FAF1: variants seen among roughly 807,000 people sequenced by gnomAD.
FAF1 encodes the protein FAS-associated factor 1.
In FAF1, 25 loss-of-function variants were observed where a neutral mutation model predicts 92.5. The ratio of observed to expected loss-of-function variants is 0.27; its 90% CI spans 0.20 to 0.38. The LOEUF (loss-of-function observed/expected upper bound fraction) is 0.38. FAF1 is among the 10% of genes least tolerant of loss of function. The pLI, the probability that FAF1 is intolerant of heterozygous loss-of-function variation, is 1.00. For synonymous variants in FAF1, 234 were observed against 273.2 expected (o/e 0.86, Z 1.42); for missense variants, 636 against 793.3 (o/e 0.80, Z 2.38).
chr1:50,656,931 C>T (rs929557180), intron 7 of FAF1, among the ~76,000 whole-genome samples: 7 of 152,160 alleles, frequency 4.6e-5, no homozygotes, highest in Middle Eastern at 3.4e-3. Context: ...AGAAGTGTTA[C>T]TGGGCGTGGT....
intron 12 of FAF1, among the ~76,000 whole-genome samples, chr1:50,573,587 T>C (rs1362855188): frequency 6.6e-6 from 1 of 152,158 alleles, no homozygotes; most frequent in African/African-American, 2.4e-5. Flanking sequence ...TCACAAAACT[T>C]AGCCCTGTTT....
chr1:50,616,998 T>A (rs1211784895), intron 8 of FAF1, among the ~76,000 whole-genome samples: 1 of 152,160 alleles, frequency 6.6e-6, no homozygotes, highest in African/African-American at 2.4e-5. Context: ...TGATTTTATA[T>A]CCAGAAACCT....
chr1:50,611,467 G>T (rs1172287929), intron 8 of FAF1, among the ~76,000 whole-genome samples: 3 of 152,186 alleles, frequency 2.0e-5, no homozygotes, highest in Non-Finnish European at 2.9e-5. Context: ...ATAGTTGGAG[G>T]TAGTTAATAT....
At chr1:50,554,390 T>TATATATATATATAGAGAGAGAG in intron 13 of FAF1, among the ~76,000 whole-genome samples, 8 of 93,682 alleles carry the variant, frequency 8.5e-5, no homozygotes, top group African/African-American at 2.8e-4. Context: ...TATATATATA[T>TATATATATATATAGAGAGAGAG]AGAGAGAGAG....
chr1:50,477,758 G>A (rs947836550), intron 17 of FAF1, among the ~76,000 whole-genome samples: 3 of 152,166 alleles, frequency 2.0e-5, no homozygotes, highest in Non-Finnish European at 4.4e-5. Flanking sequence ...TAGCCTGCAA[G>A]CTCCATAATG....
At chr1:50,835,859 C>T (rs1046620115) in intron 2 of FAF1, among the ~76,000 whole-genome samples, 1 of 151,984 alleles carries the variant, frequency 6.6e-6, no homozygotes, top group Non-Finnish European at 1.5e-5. Context: ...TAGATCAAGG[C>T]ACCATTACCA....
intron 4 of FAF1, among the ~76,000 whole-genome samples, chr1:50,762,848 T>G (rs1296673836): frequency 6.6e-6 from 1 of 152,112 alleles, no homozygotes; most frequent in Non-Finnish European, 1.5e-5. Context: ...TGGGATCTAA[T>G]TAAACTAAAG....
chr1:50,915,266 A>G (rs772056906), intron 1 of FAF1, among the ~76,000 whole-genome samples: 4 of 151,438 alleles, frequency 2.6e-5, no homozygotes, highest in Admixed American at 1.3e-4. Context: ...GCTACTTGGG[A>G]GGCTGAGGCA....
intron 1 of FAF1, among the ~76,000 whole-genome samples, chr1:50,924,296 A>C (rs185579075): frequency 1.9e-3 from 282 of 145,382 alleles, no homozygotes; most frequent in African/African-American, 6.5e-3. Flanking sequence ...AAAAAAAAAC[A>C]AGAAACCAAT....
At chr1:50,561,748 C>T (rs1649911331) in intron 13 of FAF1, among the ~76,000 whole-genome samples, 1 of 152,076 alleles carries the variant, frequency 6.6e-6, no homozygotes, top group African/African-American at 2.4e-5. Context: ...ATCACTTGAA[C>T]CTGGGAGGTG....
chr1:50,928,892 T>C (rs1256868347), intron 1 of FAF1, among the ~76,000 whole-genome samples: 1 of 151,204 alleles, frequency 6.6e-6, no homozygotes, highest in Non-Finnish European at 1.5e-5. Flanking sequence ...GAGACCAGCC[T>C]GGCCAACACG....
intron 7 of FAF1, among the ~76,000 whole-genome samples, chr1:50,662,777 T>C (rs1464954223): frequency 7.2e-6 from 1 of 139,664 alleles, no homozygotes; most frequent in Non-Finnish European, 1.5e-5. Context: ...GGCTCACTGC[T>C]GCTAGCGCCG....
intron 4 of FAF1, among the ~76,000 whole-genome samples, chr1:50,747,979 T>C (rs1170112679): frequency 6.6e-6 from 1 of 152,232 alleles, no homozygotes; most frequent in Non-Finnish European, 1.5e-5. Context: ...GATGTTGCCA[T>C]GCTTCCTGTA....
At chr1:50,871,391 C>G (rs550713755) in intron 1 of FAF1, among the ~76,000 whole-genome samples, 1 of 152,340 alleles carries the variant, frequency 6.6e-6, no homozygotes, top group East Asian at 1.9e-4. Flanking sequence ...AACATCATCA[C>G]AGCAAAAGAG....
chr1:50,837,138 T>A lies in FAF1; in HGVS notation c.114+20791A>T, dbSNP rs543790717. Among the ~76,000 whole-genome samples, 32 of 152,066 alleles carry A rather than the reference T, an allele frequency of 2.1e-4. 1 individual carries two copies. The South Asian group carries it at 6.7e-3, about 32-fold the overall frequency. On this transcript the variant is annotated intron_variant, in intron 2 of 18. Coordinates refer to ENST00000396153, the MANE Select transcript of FAF1 (RefSeq NM_007051.3). ...ATGCCCAGCTAATTTTTTGTATTTT[T>A]AGTAAAGATGGGTTTCACTGTGTTA...
chr1:50,480,335 GA>G (rs1646686077), intron 17 of FAF1, among the ~76,000 whole-genome samples: 1 of 152,082 alleles, frequency 6.6e-6, no homozygotes, highest in South Asian at 2.1e-4. Context: ...AAGAATCAAA[GA>G]CTGCCTTAAT....
chr1:50,750,006 G>A (rs1659790332), intron 4 of FAF1, among the ~76,000 whole-genome samples: 1 of 152,090 alleles, frequency 6.6e-6, no homozygotes, highest in South Asian at 2.1e-4. Flanking sequence ...ATACACATAA[G>A]TGCCTAGCAT....
chr1:50,754,655 T>C (rs1660004238), intron 4 of FAF1, among the ~76,000 whole-genome samples: 1 of 152,198 alleles, frequency 6.6e-6, no homozygotes, highest in African/African-American at 2.4e-5. Context: ...TACCAATTTC[T>C]CAGTATCAAA....
At chr1:50,717,987 C>CTTTATTTATTTATTTA (rs67168626) in intron 6 of FAF1, among the ~76,000 whole-genome samples, 4 of 138,988 alleles carry the variant, frequency 2.9e-5, no homozygotes, top group South Asian at 2.4e-4. Flanking sequence ...AAATACAATC[C>CTTTATTTATTTATTTA]TTTATTTATT....
Sources: allele counts gnomAD v4.1 joint callset (sites outside exome capture counted in the v4.1 genomes callset), GRCh38; gene constraint gnomAD v4.1.1; transcripts MANE v1.5; gene names NCBI Gene and HGNC (gene_info 2026-07-23, HGNC 2026-07-21).